MSRA: variants seen among roughly 807,000 people sequenced by gnomAD.
The protein encoded by MSRA is methionine sulfoxide reductase A.
MSRA carries 54 observed loss-of-function variants against 31.3 expected under a neutral mutation model. The observed-to-expected ratio is 1.73, with a 90% CI of 1.39 to 2.17. MSRA has a LOEUF of 2.17. MSRA is among the 30% of genes most tolerant of loss of function. The pLI, the probability that MSRA is intolerant of heterozygous loss-of-function variation, is 0.00. For synonymous variants in MSRA, 169 were observed against 116.5 expected (o/e 1.45, Z -2.90); for missense variants, 507 against 300.9 (o/e 1.69, Z -5.07).
intron 1 of MSRA, among the ~76,000 whole-genome samples, chr8:10,090,246 C>G (rs1053420256): frequency 6.6e-6 from 1 of 152,036 alleles, no homozygotes; most frequent in Non-Finnish European, 1.5e-5. Flanking sequence ...GCCTAGCAGT[C>G]CAGGAGAGCA....
intron 4 of MSRA, 64 bp downstream of exon 4, chr8:10,301,702 T>G (rs1217140035): frequency 5.4e-6 from 7 of 1,306,212 alleles, no homozygotes; most frequent in Non-Finnish European, 4.4e-6. Context: ...AATTAGTGTT[T>G]GAGCTGCATG....
chr8:10,096,369 G>A (rs374862715), intron 1 of MSRA: 1 of 951,398 alleles, frequency 1.1e-6, no homozygotes, highest in Non-Finnish European at 1.3e-6. Flanking sequence ...ACCATTTTTG[G>A]GAGGTGGGTG....
intron 1 of MSRA, chr8:10,096,221 C>A: frequency 1.6e-6 from 2 of 1,223,232 alleles, no homozygotes; most frequent in Non-Finnish European, 1.0e-6. Flanking sequence ...CTGCTTCATG[C>A]TGTCCTAAAC....
At chr8:10,234,061 C>A (rs1346257251) in intron 2 of MSRA, among the ~76,000 whole-genome samples, 1 of 152,092 alleles carries the variant, frequency 6.6e-6, no homozygotes, top group African/African-American at 2.4e-5. Flanking sequence ...GCTAAACTTA[C>A]ATTCGATAGT....
At chr8:10,055,353 C>T (rs1802291172) in intron 1 of MSRA, among the ~76,000 whole-genome samples, 1 of 152,212 alleles carries the variant, frequency 6.6e-6, no homozygotes, top group African/African-American at 2.4e-5. Flanking sequence ...TGTTCACGTG[C>T]TTCGATGCCA....
chr8:10,300,678 C>T (rs1800795311), intron 3 of MSRA, among the ~76,000 whole-genome samples: 1 of 152,156 alleles, frequency 6.6e-6, no homozygotes, highest in Non-Finnish European at 1.5e-5. Flanking sequence ...ACTGCCATGC[C>T]CAGCTTGCCA....
intron 1 of MSRA, among the ~76,000 whole-genome samples, chr8:10,074,299 G>A (rs1797887603): frequency 6.6e-6 from 1 of 151,808 alleles, no homozygotes; most frequent in Non-Finnish European, 1.5e-5. Flanking sequence ...AGCCAGGATG[G>A]TCTTGATCTC....
At chr8:10,109,354 T>TA (rs138778088) in intron 1 of MSRA, among the ~76,000 whole-genome samples, 3 of 150,466 alleles carry the variant, frequency 2.0e-5, no homozygotes, top group African/African-American at 5.0e-5. Flanking sequence ...TTTTTTTTTT[T>TA]ATTTGGAGAT....
rs189079184 is a variant in MSRA, at chr8:10,138,064, C to T, written c.143-69769C>T. On this transcript the variant is annotated intron_variant, in intron 1 of 5. Coordinates refer to ENST00000317173, the MANE Select transcript of MSRA (RefSeq NM_012331.5). The stretch of plus-strand genomic sequence containing the variant: ...AGTGCTCATTTCACTGGGTCACAGG[C>T]GTATATAGATGAAATAAGAGCCTTG... Among the ~76,000 whole-genome samples, 1,177 of 152,114 alleles carry T rather than the reference C, an allele frequency of 7.7e-3. 63 individuals are homozygous for T. The highest frequency in any genetic ancestry group is 0.072 in the Admixed American group (1,099 of 15,290).
chr8:10,281,445 A>G (rs147411523), intron 3 of MSRA, among the ~76,000 whole-genome samples: 149 of 152,352 alleles, frequency 9.8e-4, no homozygotes, highest in African/African-American at 3.3e-3. Context: ...GTAATCATCT[A>G]TAAACCCACT....
chr8:10,340,465 C>G (rs903754982), intron 5 of MSRA, among the ~76,000 whole-genome samples: 7 of 152,202 alleles, frequency 4.6e-5, no homozygotes, highest in African/African-American at 1.7e-4. Flanking sequence ...CTTCGCCTCC[C>G]GGCTTCAAGT....
chr8:10,415,629 C>G (rs1370127307), intron 5 of MSRA, among the ~76,000 whole-genome samples: 1 of 152,118 alleles, frequency 6.6e-6, no homozygotes, highest in Non-Finnish European at 1.5e-5. Context: ...CCCCAGGGTC[C>G]CATCTGCTGG....
intron 5 of MSRA, among the ~76,000 whole-genome samples, chr8:10,334,904 A>G (rs1264114364): frequency 1.3e-5 from 2 of 152,134 alleles, no homozygotes; most frequent in East Asian, 1.9e-4. Flanking sequence ...GGCCCACGTG[A>G]TGGCTGTTCG....
At chr8:10,239,142 G>A (rs1469377612) in intron 2 of MSRA, among the ~76,000 whole-genome samples, 1 of 152,044 alleles carries the variant, frequency 6.6e-6, no homozygotes, top group Admixed American at 6.6e-5. Context: ...CAACCTCAGT[G>A]GTGATTAGCT....
rs1346223546 is a variant in MSRA, at chr8:10,245,192, T to A, written c.300T>A (p.Thr100=). The A allele has an allele frequency of 1.2e-6, 2 of 1,613,644 alleles. No individual in the cohort carries two copies. The highest frequency in any genetic ancestry group is 2.2e-5 in the East Asian group (1 of 44,852). ...STQVGFAGGY[T]SNPTYKEVCS... is the part of the protein sequence containing the mutation. Reference sequence around the variant, plus strand: ...AAGTTGGTTTTGCAGGAGGCTATACTTCAAATCCTACTTATAAAGAAGTCT... The same window carrying A: ...AAGTTGGTTTTGCAGGAGGCTATACATCAAATCCTACTTATAAAGAAGTCT... The change falls in exon 3 of 6, where the codon ACT becomes ACA. Residue 100 remains threonine, a synonymous_variant. Coordinates refer to ENST00000317173, the MANE Select transcript of MSRA (RefSeq NM_012331.5).
chr8:10,403,344 T>A (rs564546455), intron 5 of MSRA, among the ~76,000 whole-genome samples: 1 of 152,182 alleles, frequency 6.6e-6, no homozygotes, highest in Non-Finnish European at 1.5e-5. Context: ...TGTCGTGCTG[T>A]GTGGGAAGGC....
chr8:10,377,156 T>C (rs13272232), intron 5 of MSRA, among the ~76,000 whole-genome samples: 3 of 152,014 alleles, frequency 2.0e-5, no homozygotes, highest in African/African-American at 7.2e-5. Context: ...TGATCGCGAG[T>C]TTTTCTTGGA....
At chr8:10,104,065 A>G (rs774445280) in intron 1 of MSRA, among the ~76,000 whole-genome samples, 1 of 152,144 alleles carries the variant, frequency 6.6e-6, no homozygotes, top group East Asian at 1.9e-4. Flanking sequence ...TCTATTGCTA[A>G]TGTGGGTATG....
At chr8:10,351,191 T>C (rs1354980922) in intron 5 of MSRA, among the ~76,000 whole-genome samples, 1 of 149,332 alleles carries the variant, frequency 6.7e-6, no homozygotes, top group Admixed American at 6.7e-5. Context: ...TTCATCTCTT[T>C]CCCTCCCAAA....
Sources: gnomAD v4.1 joint callset for allele counts (sites outside exome capture counted in the v4.1 genomes callset) on GRCh38, gnomAD v4.1.1 for gene constraint, MANE v1.5 for transcripts, NCBI Gene and HGNC (gene_info 2026-07-23, HGNC 2026-07-21) for gene names.